Variants in STK32A observed in about 807,000 individuals in gnomAD.
STK32A encodes the protein serine/threonine kinase 32A, also known as serine/threonine-protein kinase 32A.
In STK32A, 41 loss-of-function variants were observed where a neutral mutation model predicts 53.2. The observed-to-expected ratio is 0.77, with a 90% CI of 0.60 to 1.00. The LOEUF (loss-of-function observed/expected upper bound fraction) is 1.00, where lower values mean the gene tolerates loss of function less well. STK32A is among the 50% of genes least tolerant of loss of function. The pLI, the probability that STK32A is intolerant of heterozygous loss-of-function variation, is 0.00. For missense variants in STK32A, 458 were observed against 485.8 expected, an observed-to-expected ratio of 0.94 and a Z score of 0.54; for synonymous variants, 166 against 162.8, an observed-to-expected ratio of 1.02 and a Z score of -0.15.
chr5:147,351,237 G>A, intron 7 of STK32A, 83 bp downstream of exon 7: 1 of 1,201,418 alleles, frequency 8.3e-7, no homozygotes, highest in Non-Finnish European at 1.2e-6. Context: ...GGGATTTGCA[G>A]CTAGAACTGG....
intron 8 of STK32A, among the ~76,000 whole-genome samples, chr5:147,365,218 T>C (rs1756688420): frequency 6.6e-6 from 1 of 152,160 alleles, no homozygotes; most frequent in Admixed American, 6.6e-5. Flanking sequence ...TTTATCTTGC[T>C]CAGGAAATCA....
At chr5:147,365,676 T>C (rs963963670) in intron 8 of STK32A, among the ~76,000 whole-genome samples, 1 of 152,200 alleles carries the variant, frequency 6.6e-6, no homozygotes, top group Admixed American at 6.5e-5. Flanking sequence ...GCTGTGCTTC[T>C]GTGTTAGACC....
intron 2 of STK32A, among the ~76,000 whole-genome samples, chr5:147,251,704 C>T (rs1256194563): frequency 2.0e-5 from 3 of 152,208 alleles, no homozygotes; most frequent in Non-Finnish European, 2.9e-5. Context: ...TTCACAGTGA[C>T]ATTCATCTTC....
At chr5:147,255,302 T>C (rs116175999) in intron 2 of STK32A, among the ~76,000 whole-genome samples, 8,878 of 152,264 alleles carry the variant, frequency 0.058, 304 homozygotes, top group Middle Eastern at 0.099. Context: ...TTTTGCTTCA[T>C]TTTCCAAAAG....
At chr5:147,269,872 T>A (rs4385261) in intron 2 of STK32A, among the ~76,000 whole-genome samples, 89,141 of 151,488 alleles carry the variant, frequency 0.59, 26,537 homozygotes, top group African/African-American at 0.67. Context: ...CAATAATCAC[T>A]ATGGCGTGAC....
chr5:147,373,369 C>T (rs1486540863), intron 10 of STK32A, 75 bp downstream of exon 10: 2 of 1,565,970 alleles, frequency 1.3e-6, no homozygotes, highest in African/African-American at 2.7e-5. Flanking sequence ...CACACATTGT[C>T]TCATTAGATA....
rs193228965 is a variant in STK32A, at chr5:147,361,787, C to T, written c.660+173C>T. ...TCTGCATAGGTTAATTCATTTGTCC[C>T]GCATATGGGACCAACCATGTCAATT... is the stretch of plus-strand genomic sequence containing the variant. On this transcript the variant is annotated intron_variant, in intron 8 of 12. Coordinates refer to ENST00000397936, the MANE Select transcript of STK32A (RefSeq NM_001112724.2). Among the ~76,000 whole-genome samples the T allele has an allele frequency of 5.9e-5, 9 of 152,238 alleles. No individual in the cohort carries two copies. The East Asian group carries it at 1.2e-3, about 20-fold the overall frequency.
At chr5:147,397,853 C>T in the STK32A span, 14 of 1,592,958 alleles carry the variant, frequency 8.8e-6, no homozygotes, top group South Asian at 1.2e-4. Context: ...CGCCTAGAGG[C>T]AGGGGTGAGA....
At chr5:147,303,713 A>G (rs185527440) in intron 4 of STK32A, among the ~76,000 whole-genome samples, 1 of 152,340 alleles carries the variant, frequency 6.6e-6, no homozygotes, top group Non-Finnish European at 1.5e-5. Flanking sequence ...CACTGCAAGA[A>G]CTCAGAGCCA....
At chr5:147,308,138 T>TTA (rs3995475) in intron 4 of STK32A, among the ~76,000 whole-genome samples, 3,121 of 148,310 alleles carry the variant, frequency 0.021, 77 homozygotes, top group African/African-American at 0.056. Context: ...TTCATACATT[T>TTA]TATATATATA....
chr5:147,320,631 T>C (rs915693629), intron 4 of STK32A, among the ~76,000 whole-genome samples: 2 of 152,210 alleles, frequency 1.3e-5, no homozygotes, highest in Non-Finnish European at 2.9e-5. Flanking sequence ...TGTGTAAGCA[T>C]ATGGCATTGC....
At chr5:147,390,906 T>C (rs1211988230), downstream of STK32A, 1 of 152,658 alleles carries the variant, frequency 6.6e-6, no homozygotes. Flanking sequence ...CACAGTTTTG[T>C]TCACGGTTCA....
At chr5:147,250,742 C>A (rs1015968049) in intron 2 of STK32A, among the ~76,000 whole-genome samples, 3 of 151,924 alleles carry the variant, frequency 2.0e-5, no homozygotes, top group Non-Finnish European at 4.4e-5. Flanking sequence ...GAGATCGAGA[C>A]CATCCTGGCT....
At position 147,239,147 on chromosome 5, in the gene STK32A, T is replaced by C. The variant is rs113636961; in HGVS notation, c.-96-392T>C. On this transcript the variant is annotated intron_variant, in intron 1 of 12. Transcript: ENST00000397936. The stretch of plus-strand genomic sequence containing the variant: ...ACCCTCCAGGGTATGCAGAAACAGA[T>C]AGCTAGTGCATCTTTATGACTAAAA... Among the ~76,000 whole-genome samples the C allele has an allele frequency of 6.3e-3, 966 of 152,300 alleles. 11 individuals are homozygous for C. The highest frequency in any genetic ancestry group is 0.022 in the African/African-American group (900 of 41,572).
intron 5 of STK32A, among the ~76,000 whole-genome samples, chr5:147,328,825 A>G (rs1754724125): frequency 6.6e-6 from 1 of 152,152 alleles, no homozygotes; most frequent in Non-Finnish European, 1.5e-5. Context: ...TCCAAAGACA[A>G]ATTTCTGTTT....
chr5:147,306,466 G>A (rs994641898), intron 4 of STK32A, among the ~76,000 whole-genome samples: 7 of 151,692 alleles, frequency 4.6e-5, no homozygotes, highest in Admixed American at 3.9e-4. Flanking sequence ...AGAAAAAAGT[G>A]TTAACCTTTG....
intron 11 of STK32A, among the ~76,000 whole-genome samples, chr5:147,379,665 T>C (rs1241236016): frequency 2.0e-5 from 3 of 152,134 alleles, no homozygotes; most frequent in African/African-American, 7.2e-5. Context: ...AAGTATAGAA[T>C]CAACAGACTG....
chr5:147,396,702 A>C, the STK32A span, among the ~76,000 whole-genome samples: 4 of 152,178 alleles, frequency 2.6e-5, no homozygotes, highest in Non-Finnish European at 5.9e-5. Flanking sequence ...CCCTGGTTTC[A>C]GAATCTAAAT....
intron 8 of STK32A, among the ~76,000 whole-genome samples, chr5:147,369,457 AGCCACTCACTCTGTT>A (rs1756912198): frequency 6.6e-6 from 1 of 152,192 alleles, no homozygotes; most frequent in Non-Finnish European, 1.5e-5. Flanking sequence ...TAATACTATT[AGCCACTCACTCTGTT>A]GAGAAATTTA....
Sources: allele counts gnomAD v4.1 joint callset (sites outside exome capture counted in the v4.1 genomes callset), GRCh38; gene constraint gnomAD v4.1.1; transcripts MANE v1.5; gene names NCBI Gene and HGNC (gene_info 2026-07-23, HGNC 2026-07-21).